PTPRG: variants seen among roughly 807,000 people sequenced by gnomAD.
The protein encoded by PTPRG is receptor-type tyrosine-protein phosphatase gamma.
PTPRG carries 102 observed loss-of-function variants against 165.3 expected under a neutral mutation model. That is an observed-to-expected ratio of 0.62 (90% CI 0.53 to 0.73). PTPRG has a LOEUF of 0.73. Among genes scored for constraint, PTPRG ranks in the 30% least tolerant of loss-of-function variants. PTPRG has a pLI of 0.00. For synonymous variants in PTPRG, 675 were observed against 669.5 expected (o/e 1.01, Z -0.13); for missense variants, 1,866 against 1,861.4 (o/e 1.00, Z -0.05).
chr3:61,930,227 T>G (rs1055896608), intron 2 of PTPRG, among the ~76,000 whole-genome samples: 2 of 152,198 alleles, frequency 1.3e-5, no homozygotes, highest in African/African-American at 2.4e-5. Flanking sequence ...CAGCTGTGTG[T>G]GTTTTTAGGA....
intron 1 of PTPRG, among the ~76,000 whole-genome samples, chr3:61,638,354 AC>A (rs1213724276): frequency 6.6e-6 from 1 of 151,870 alleles, no homozygotes; most frequent in East Asian, 1.9e-4. Context: ...TAATGTGTAG[AC>A]CCCTTTTCAA....
chr3:61,640,701 T>C lies in PTPRG; in HGVS notation c.85+78329T>C, dbSNP rs552348641. On this transcript the variant is annotated intron_variant, in intron 1 of 29. Coordinates refer to ENST00000474889, the MANE Select transcript of PTPRG (RefSeq NM_002841.4). ...ATGATGCAAAATGGACTTTCAGGTTTAAAGAAACGAAGTCTAACACAAACT... is the reference window on the plus strand; with the variant it reads ...ATGATGCAAAATGGACTTTCAGGTTCAAAGAAACGAAGTCTAACACAAACT... Among the ~76,000 whole-genome samples, 11 of 152,328 alleles carry C rather than the reference T, an allele frequency of 7.2e-5. No homozygotes were observed. In the South Asian group the frequency reaches 2.3e-3, roughly 32 times the overall value.
intron 2 of PTPRG, among the ~76,000 whole-genome samples, chr3:61,846,294 G>A (rs915769895): frequency 5.3e-5 from 8 of 152,130 alleles, no homozygotes; most frequent in Admixed American, 1.3e-4. Flanking sequence ...ATTAATATCC[G>A]AGTGATGAAT....
At chr3:62,084,450 C>G (rs1701679940) in intron 5 of PTPRG, among the ~76,000 whole-genome samples, 1 of 152,152 alleles carries the variant, frequency 6.6e-6, no homozygotes, top group African/African-American at 2.4e-5. Flanking sequence ...CATTTGCCCC[C>G]TTTTCATTTC....
At chr3:61,646,803 C>T (rs116133918) in intron 1 of PTPRG, among the ~76,000 whole-genome samples, 3 of 152,160 alleles carry the variant, frequency 2.0e-5, no homozygotes, top group Admixed American at 2.0e-4. Flanking sequence ...TAGCCACCCC[C>T]ACATCCCTAA....
chr3:61,999,226 T>C (rs804416), intron 3 of PTPRG, among the ~76,000 whole-genome samples: 48,665 of 151,926 alleles, frequency 0.32, 7,902 homozygotes, highest in African/African-American at 0.35. Flanking sequence ...TTTGTACTTT[T>C]AGTAGAGACG....
At chr3:61,722,473 A>G (rs1384782510) in intron 1 of PTPRG, among the ~76,000 whole-genome samples, 1 of 152,204 alleles carries the variant, frequency 6.6e-6, no homozygotes, top group Non-Finnish European at 1.5e-5. Context: ...ATTGATTTTG[A>G]TGTAGCAGAG....
chr3:62,135,498 G>A (rs569531817), intron 6 of PTPRG, among the ~76,000 whole-genome samples: 2 of 152,058 alleles, frequency 1.3e-5, no homozygotes, highest in African/African-American at 4.8e-5. Flanking sequence ...TTCAGCTCTG[G>A]GAATCATATA....
At chr3:61,935,688 T>A (rs2039468427) in intron 2 of PTPRG, among the ~76,000 whole-genome samples, 1 of 145,602 alleles carries the variant, frequency 6.9e-6, no homozygotes, top group African/African-American at 2.7e-5. Flanking sequence ...CGGAGTCCCT[T>A]ACCTTTTTTT....
At chr3:61,877,080 A>C (rs1039517415) in intron 2 of PTPRG, among the ~76,000 whole-genome samples, 3 of 151,964 alleles carry the variant, frequency 2.0e-5, no homozygotes, top group African/African-American at 2.4e-5. Flanking sequence ...CAATCTTTGC[A>C]TTCCTTTTTA....
chr3:61,605,040 G>A (rs1411575651), intron 1 of PTPRG, among the ~76,000 whole-genome samples: 1 of 152,132 alleles, frequency 6.6e-6, no homozygotes, highest in African/African-American at 2.4e-5. Flanking sequence ...GGCCTTTCTT[G>A]TTGGATCATG....
intron 5 of PTPRG, 103 bp from the exon 6 acceptor site, chr3:62,132,499 T>C (rs1280474807): frequency 2.2e-6 from 2 of 909,700 alleles, no homozygotes; most frequent in African/African-American, 1.6e-5. Flanking sequence ...AGCAGCTTGC[T>C]AGATAACATT....
chr3:61,566,096 T>C (rs1356861530), intron 1 of PTPRG, among the ~76,000 whole-genome samples: 1 of 152,194 alleles, frequency 6.6e-6, no homozygotes, highest in Non-Finnish European at 1.5e-5. Context: ...AAAACACTAA[T>C]AAAGATAGGC....
intron 2 of PTPRG, among the ~76,000 whole-genome samples, chr3:61,920,849 G>T (rs940037554): frequency 2.0e-5 from 3 of 152,116 alleles, no homozygotes; most frequent in Non-Finnish European, 4.4e-5. Flanking sequence ...GTTCATTAAA[G>T]AATTGGAAAT....
At chr3:62,178,413 G>C (rs1486948916) in intron 8 of PTPRG, among the ~76,000 whole-genome samples, 1 of 152,218 alleles carries the variant, frequency 6.6e-6, no homozygotes, top group Non-Finnish European at 1.5e-5. Context: ...TCCTACTGGG[G>C]AGCATTGCCA....
At chr3:62,008,333 G>T (rs907030380) in intron 4 of PTPRG, among the ~76,000 whole-genome samples, 7 of 152,204 alleles carry the variant, frequency 4.6e-5, no homozygotes, top group Non-Finnish European at 5.9e-5. Flanking sequence ...GACAATAAAA[G>T]ATCACGGGAG....
chr3:61,875,040 C>T (rs1359646896), intron 2 of PTPRG, among the ~76,000 whole-genome samples: 1 of 152,286 alleles, frequency 6.6e-6, no homozygotes, highest in East Asian at 1.9e-4. Flanking sequence ...TAGAAATTCT[C>T]ACTCTTCTCT....
At position 61,641,497 on chromosome 3, in the gene PTPRG, A is replaced by C. The variant is rs560400349; in HGVS notation, c.85+79125A>C. 2.0e-5 allele frequency among the ~76,000 whole-genome samples: 3 copies of C among 152,322 alleles called. No individual in the cohort carries two copies. In the East Asian group the frequency reaches 5.8e-4, roughly 29 times the overall value. On this transcript the variant is annotated intron_variant, in intron 1 of 29. Coordinates refer to ENST00000474889, the MANE Select transcript of PTPRG (RefSeq NM_002841.4). ...GTGTATTTCTCCTTGCCTTCTCTCC[A>C]TGCCACCCATTTTACTGATATGTTT...
chr3:61,794,710 G>A (rs184542734), intron 2 of PTPRG, among the ~76,000 whole-genome samples: 1 of 152,306 alleles, frequency 6.6e-6, no homozygotes, highest in African/African-American at 2.4e-5. Flanking sequence ...TCTGAAAAAT[G>A]AGTAAATTCA....
Sources: allele counts gnomAD v4.1 joint callset (sites outside exome capture counted in the v4.1 genomes callset), GRCh38; gene constraint gnomAD v4.1.1; transcripts MANE v1.5; gene names NCBI Gene and HGNC (gene_info 2026-07-23, HGNC 2026-07-21).